The following GALNT17 variants were observed in gnomAD, a reference collection of about 807,000 sequenced individuals.
The protein encoded by GALNT17 is UDP-GalNAc:polypeptide N-acetylgalactosaminyltransferase-like 3.
In GALNT17, 29 loss-of-function variants were observed where a neutral mutation model predicts 63.7. The ratio of observed to expected loss-of-function variants is 0.46; its 90% CI spans 0.34 to 0.62. The LOEUF (loss-of-function observed/expected upper bound fraction) is 0.62. Ranked by LOEUF, GALNT17 falls within the 20% of genes least tolerant of loss-of-function variation. GALNT17 has a pLI of 0.01. For synonymous variants in GALNT17, 305 were observed against 318.3 expected (o/e 0.96, Z 0.45); for missense variants, 603 against 799.6 (o/e 0.75, Z 2.97).
At chr7:71,258,268 A>AG (rs1790323373) in intron 1 of GALNT17, among the ~76,000 whole-genome samples, 1 of 152,222 alleles carries the variant, frequency 6.6e-6, no homozygotes. Flanking sequence ...TGCAAATACT[A>AG]GAAGATCTGA....
At chr7:71,262,673 T>A (rs55654006) in intron 1 of GALNT17, among the ~76,000 whole-genome samples, 32,352 of 149,698 alleles carry the variant, frequency 0.22, 3,766 homozygotes, top group African/African-American at 0.29. Flanking sequence ...CCTTTTTTTT[T>A]ACTTTCTTTT....
At chr7:71,406,862 C>T (rs904618450) in intron 3 of GALNT17, among the ~76,000 whole-genome samples, 16 of 151,634 alleles carry the variant, frequency 1.1e-4, no homozygotes, top group African/African-American at 3.1e-4. Context: ...GTAGCTGATA[C>T]CCAAGTGTTT....
At chr7:71,205,151 ACT>A (rs1491257268) in intron 1 of GALNT17, among the ~76,000 whole-genome samples, 3 of 106,872 alleles carry the variant, frequency 2.8e-5, no homozygotes, top group African/African-American at 1.2e-4. Flanking sequence ...TTTACTTTTT[ACT>A]TTTTTTTTTT....
intron 1 of GALNT17, among the ~76,000 whole-genome samples, chr7:71,286,562 C>G (rs753660075): frequency 0.046 from 6,935 of 152,154 alleles, 537 homozygotes; most frequent in African/African-American, 0.16. Context: ...TTTCCATCTG[C>G]CTCTCAGGAG....
chr7:71,349,453 A>G (rs1270603147), intron 2 of GALNT17, among the ~76,000 whole-genome samples: 1 of 152,182 alleles, frequency 6.6e-6, no homozygotes, highest in Non-Finnish European at 1.5e-5. Flanking sequence ...AGGAAAAAGA[A>G]GACTGTGGCA....
intron 1 of GALNT17, among the ~76,000 whole-genome samples, chr7:71,154,155 A>G (rs1788186512): frequency 6.6e-6 from 1 of 152,002 alleles, no homozygotes; most frequent in Non-Finnish European, 1.5e-5. Context: ...TGGATCTTTG[A>G]AGCCGTGTGC....
intron 9 of GALNT17, among the ~76,000 whole-genome samples, chr7:71,697,765 A>G (rs1351761769): frequency 6.6e-6 from 1 of 152,174 alleles, no homozygotes; most frequent in Non-Finnish European, 1.5e-5. Context: ...CTGCTCTCAT[A>G]TAGACAGATT....
intron 6 of GALNT17, among the ~76,000 whole-genome samples, chr7:71,638,414 C>T (rs750452101): frequency 6.6e-6 from 1 of 152,138 alleles, no homozygotes; most frequent in Non-Finnish European, 1.5e-5. Flanking sequence ...TGGAGTTGCT[C>T]TGGTTCAAAT....
chr7:71,698,909 C>T (rs566857), intron 9 of GALNT17, among the ~76,000 whole-genome samples: 24,364 of 151,902 alleles, frequency 0.16, 2,356 homozygotes, highest in Non-Finnish European at 0.22. Context: ...CAGTGGCTCA[C>T]GCCTGTAATC....
chr7:71,514,167 C>T (rs1788409920), intron 5 of GALNT17, among the ~76,000 whole-genome samples: 1 of 152,218 alleles, frequency 6.6e-6, no homozygotes, highest in East Asian at 1.9e-4. Context: ...CACACTCCAG[C>T]CTAGGTGATA....
chr7:71,409,294 G>C (rs961893021), intron 3 of GALNT17, among the ~76,000 whole-genome samples: 3 of 152,124 alleles, frequency 2.0e-5, no homozygotes, highest in Admixed American at 2.0e-4. Flanking sequence ...GAGTTAGGCA[G>C]GGGGGTAAAT....
chr7:71,347,278 TTTG>T (rs1792113073), intron 2 of GALNT17, among the ~76,000 whole-genome samples: 1 of 152,194 alleles, frequency 6.6e-6, no homozygotes, highest in African/African-American at 2.4e-5. Flanking sequence ...TAATCTCAGC[TTTG>T]TCCCTTTCTA....
At chr7:71,513,018 G>T (rs1324924500) in intron 5 of GALNT17, among the ~76,000 whole-genome samples, 4 of 152,120 alleles carry the variant, frequency 2.6e-5, no homozygotes, top group Non-Finnish European at 4.4e-5. Context: ...CATTAAAATG[G>T]CAATTAAGTT....
At chr7:71,550,531 C>T (rs1170296386) in intron 5 of GALNT17, among the ~76,000 whole-genome samples, 1 of 152,034 alleles carries the variant, frequency 6.6e-6, no homozygotes, top group Non-Finnish European at 1.5e-5. Context: ...CAGGCCTGTG[C>T]CACTATGCCC....
intron 1 of GALNT17, among the ~76,000 whole-genome samples, chr7:71,270,727 T>C (rs1316314484): frequency 2.6e-5 from 4 of 151,896 alleles, no homozygotes; most frequent in South Asian, 2.1e-4. Flanking sequence ...GTTTGCTGAG[T>C]GGACGGATGA....
chr7:71,251,767 T>G (rs1790202354), intron 1 of GALNT17, among the ~76,000 whole-genome samples: 1 of 152,190 alleles, frequency 6.6e-6, no homozygotes, highest in Admixed American at 6.5e-5. Flanking sequence ...TAATCTCAGA[T>G]AGTGGCTCCA....
chr7:71,200,555 T>C (rs1391672778), intron 1 of GALNT17, among the ~76,000 whole-genome samples: 8 of 152,180 alleles, frequency 5.3e-5, no homozygotes. Context: ...AAAACTTGAG[T>C]TATAAACTTT....
chr7:71,686,366 C>G (rs1187217441), intron 9 of GALNT17, among the ~76,000 whole-genome samples: 1 of 151,804 alleles, frequency 6.6e-6, no homozygotes, highest in African/African-American at 2.4e-5. Flanking sequence ...AACCTCTGCC[C>G]ACATATACTT....
In GALNT17 at chr7:71,386,614, C is replaced by T. The variant is rs571595348; in HGVS notation, c.423-1621C>T. 6.6e-5 allele frequency among the ~76,000 whole-genome samples: 10 copies of T among 152,222 alleles called. No homozygotes were observed. The South Asian group carries it at 2.1e-3, about 32-fold the overall frequency. On this transcript the variant is annotated intron_variant, in intron 2 of 10. Coordinates refer to ENST00000333538, the MANE Select transcript of GALNT17 (RefSeq NM_022479.3). ...AATCATCTCTTACATCACCTGGAGCCGTGGAGAAGGCCAAAGCTCTATGCT... is the reference window on the plus strand; with the variant it reads ...AATCATCTCTTACATCACCTGGAGCTGTGGAGAAGGCCAAAGCTCTATGCT...
Sources: gnomAD v4.1 joint callset for allele counts (sites outside exome capture counted in the v4.1 genomes callset) on GRCh38, gnomAD v4.1.1 for gene constraint, MANE v1.5 for transcripts, NCBI Gene and HGNC (gene_info 2026-07-23, HGNC 2026-07-21) for gene names.